KCNQ1: variants seen among roughly 807,000 people sequenced by gnomAD.
The protein encoded by KCNQ1 is potassium voltage-gated channel subfamily KQT member 1.
KCNQ1 carries 49 observed loss-of-function variants against 72.4 expected under a neutral mutation model. The observed-to-expected ratio is 0.68, with a 90% CI of 0.54 to 0.86. The LOEUF (loss-of-function observed/expected upper bound fraction) is 0.86. Ranked by LOEUF, KCNQ1 falls within the 40% of genes least tolerant of loss-of-function variation. The pLI is 0.00. For missense variants in KCNQ1, 790 were observed against 945.1 expected, an observed-to-expected ratio of 0.84 and a Z score of 2.15; for synonymous variants, 450 against 412.6, an observed-to-expected ratio of 1.09 and a Z score of -1.10.
intron 11 of KCNQ1, chr11:2,693,668 C>T: frequency 2.5e-6 from 1 of 398,698 alleles, no homozygotes; most frequent in East Asian, 3.6e-5. Flanking sequence ...GTTCCGCAGA[C>T]AGAGCAGCCA....
Position 2,612,270 on chromosome 11 carries a change from G to T in KCNQ1, c.1393+23416G>T. 2.5e-6 allele frequency: 1 copy of T among 398,588 alleles called. No homozygotes were observed. The highest frequency in any genetic ancestry group is 1.3e-4 in the South Asian group (1 of 7,834). The allele number at this position is 398,588 out of a possible 1,614,324, so 24.7% of individuals were successfully genotyped here. A position where few individuals can be genotyped will look rare whatever the true frequency, so the allele number is the denominator to read the frequency against. On this transcript the variant is annotated intron_variant, in intron 10 of 15. Transcript: ENST00000155840. This position sits in a 1 kb window ranked among gnomAD's most constrained non-coding sequence, Gnocchi z 5.5. ...CAGAGAGCAAATCCTATTGTGAACTGAGCATGTGAGGGATCTAGGTTGTGC... is the reference window on the plus strand; with the variant it reads ...CAGAGAGCAAATCCTATTGTGAACTTAGCATGTGAGGGATCTAGGTTGTGC...
intron 11 of KCNQ1, among the ~76,000 whole-genome samples, chr11:2,709,065 C>G (rs1400956764): frequency 6.6e-6 from 1 of 152,172 alleles, no homozygotes; most frequent in African/African-American, 2.4e-5. Context: ...GCCTGCTCCA[C>G]CGCCCCTCCC....
At chr11:2,736,859 C>T (rs1313348127) in intron 11 of KCNQ1, among the ~76,000 whole-genome samples, 17 of 152,228 alleles carry the variant, frequency 1.1e-4, no homozygotes, top group Admixed American at 1.0e-3. Context: ...ATGCCCACGG[C>T]TCAGGGACCC....
At chr11:2,820,499 T>C (rs948804446) in intron 15 of KCNQ1, among the ~76,000 whole-genome samples, 1 of 152,130 alleles carries the variant, frequency 6.6e-6, no homozygotes, top group Non-Finnish European at 1.5e-5. Flanking sequence ...GTGGAGTCTT[T>C]TCTGTTAATT....
chr11:2,609,350 G>T (rs1848937555), intron 10 of KCNQ1: 1 of 398,208 alleles, frequency 2.5e-6, no homozygotes, highest in South Asian at 1.3e-4. Flanking sequence ...TTGCTACTGA[G>T]TTCTACTTTT....
intron 15 of KCNQ1, among the ~76,000 whole-genome samples, chr11:2,832,135 C>T (rs549232072): frequency 6.8e-4 from 103 of 152,256 alleles, no homozygotes; most frequent in African/African-American, 2.4e-3. Context: ...GTCCCCAGGA[C>T]ACACACCAGC....
chr11:2,675,891 A>G (rs1273432089), intron 11 of KCNQ1: 1 of 398,560 alleles, frequency 2.5e-6, no homozygotes, highest in Non-Finnish European at 4.4e-6. Context: ...TGCTTTATGT[A>G]TTCAAGGGTT....
At position 2,735,691 on chromosome 11, in the gene KCNQ1, CCT is replaced by C. The variant is rs1356823567; in HGVS notation, c.1515-33152_1515-33151del. 6.6e-6 allele frequency among the ~76,000 whole-genome samples: 1 copy of C among 152,004 alleles called. No individual in the cohort carries two copies. Among genetic ancestry groups the C allele is most frequent in the Non-Finnish European group, 1.5e-5 (1 of 67,996 alleles). ...CAGCAGGCATTCATCCCCTCACAGCCCTGGAGGCTGGAGTCCAAGGTCAAGGT... is the reference window on the plus strand; with the variant it reads ...CAGCAGGCATTCATCCCCTCACAGCCGGAGGCTGGAGTCCAAGGTCAAGGT... On this transcript the variant is annotated intron_variant, in intron 11 of 15. Coordinates refer to ENST00000155840, the MANE Select transcript of KCNQ1 (RefSeq NM_000218.3). The surrounding 1 kb of genome is among the most constrained non-coding windows in gnomAD (Gnocchi z 7.7).
At chr11:2,812,758 AGGCCCCACGCCCCCGG>A (rs1365857878) in intron 15 of KCNQ1, among the ~76,000 whole-genome samples, 10 of 152,038 alleles carry the variant, frequency 6.6e-5, no homozygotes, top group Non-Finnish European at 1.3e-4. Flanking sequence ...CACGCCCCCG[AGGCCCCACGCCCCCGG>A]GGCCCCATGC....
intron 15 of KCNQ1, among the ~76,000 whole-genome samples, chr11:2,840,892 C>G (rs1848195592): frequency 6.6e-6 from 1 of 152,140 alleles, no homozygotes; most frequent in Non-Finnish European, 1.5e-5. Flanking sequence ...GGGAAATTGG[C>G]CGGGGCCTCA....
rs1181124420 is a variant in KCNQ1 at position 2,641,508 on chromosome 11, T to C, written c.1394-20453T>C. ...TAATTTGTTGTTTACTATTGAGTTA[T>C]TGGAGTTCCTAGTATATTCTGGTAT... On this transcript the variant is annotated intron_variant, in intron 10 of 15. Coordinates refer to ENST00000155840, the MANE Select transcript of KCNQ1 (RefSeq NM_000218.3). 8 of 398,514 alleles carry C rather than the reference T, an allele frequency of 2.0e-5. No homozygotes were observed. The East Asian group carries it at 2.9e-4, about 14-fold the overall frequency. 24.7% of individuals were successfully genotyped at this position (398,514 alleles called of 1,614,324 possible). A position where few individuals can be genotyped will look rare whatever the true frequency, so the allele number is the denominator to read the frequency against.
In KCNQ1 at chr11:2,663,320, C is replaced by T. The variant is rs1850004008; in HGVS notation, c.1514+1239C>T. ...GGCCCCTCCTGGCTGGGTAAAAAGG[C>T]AGGAGCAGAGGTGTGAGCAGGCTGG... On this transcript the variant is annotated intron_variant, in intron 11 of 15. Coordinates refer to ENST00000155840, the MANE Select transcript of KCNQ1 (RefSeq NM_000218.3). This position sits in a 1 kb window ranked among gnomAD's most constrained non-coding sequence, Gnocchi z 5.2. 2.5e-6 allele frequency: 1 copy of T among 398,766 alleles called. No individual in the cohort carries two copies. Among genetic ancestry groups the T allele is most frequent in the Non-Finnish European group, 4.4e-6 (1 of 226,194 alleles). 24.7% of individuals were successfully genotyped at this position (398,766 alleles called of 1,614,324 possible).
At position 2,762,700 on chromosome 11, in the gene KCNQ1, C is replaced by A. The variant is rs960697410; in HGVS notation, c.1515-6144C>A. On this transcript the variant is annotated intron_variant, in intron 11 of 15. Transcript: ENST00000155840. The surrounding 1 kb of genome is among the most constrained non-coding windows in gnomAD (Gnocchi z 4.3). ...ATTAGATTCTCGCAGGAGCGCGAAC[C>A]CTGTTGTGAATGCACATGTGAGGGG... Among the ~76,000 whole-genome samples, 2 of 152,192 alleles carry A rather than the reference C, an allele frequency of 1.3e-5. No homozygotes were observed. Among genetic ancestry groups the A allele is most frequent in the Non-Finnish European group, 2.9e-5 (2 of 68,022 alleles).
In KCNQ1 at chr11:2,800,467, G is replaced by A. The variant is rs551889965; in HGVS notation, c.1794+22430G>A. Among the ~76,000 whole-genome samples, 143 of 152,288 alleles carry A rather than the reference G, an allele frequency of 9.4e-4. 1 individual carries two copies. Among genetic ancestry groups the A allele is most frequent in the African/African-American group, 3.2e-3 (131 of 41,562 alleles). ...TTCCCCACCCCACTTGCCTCACCTC[G>A]GCCCAAACCTGGGTACTCCCAGCTG... On this transcript the variant is annotated intron_variant, in intron 15 of 15. Transcript: ENST00000155840.
rs79375780 is a variant in KCNQ1, at chr11:2,762,923, C to T, written c.1515-5921C>T. ...CCCACTGTTCATCTGTCTGCCCACA[C>T]GCTCTTAATCAAGCCCTGTGGCCTC... is the stretch of plus-strand genomic sequence containing the variant. On this transcript the variant is annotated intron_variant, in intron 11 of 15. Transcript: ENST00000155840. The surrounding 1 kb of genome is among the most constrained non-coding windows in gnomAD (Gnocchi z 4.3). Among the ~76,000 whole-genome samples, 37 of 152,290 alleles carry T rather than the reference C, an allele frequency of 2.4e-4. No homozygotes were observed. The highest frequency in any genetic ancestry group is 5.8e-4 in the East Asian group (3 of 5,180).
Position 2,572,100 on chromosome 11 carries a change from C to T in KCNQ1, c.771C>T (p.Ile257=), listed in dbSNP as rs1245633432. ...GGCTCCTGGGCTCCGTGGTCTTCAT[C>T]CACCGCCAGGTGGGTGGCCCGGGTT... The part of the protein sequence containing the change: ...TWRLLGSVVF[I]HRQELITTLY... The change falls in exon 5 of 16, where the codon ATC becomes ATT. Residue 257 remains isoleucine (I), a synonymous_variant. Coordinates refer to ENST00000155840, the MANE Select transcript of KCNQ1 (RefSeq NM_000218.3). The T allele has an allele frequency of 3.1e-6, 5 of 1,611,986 alleles. No individual in the cohort carries two copies. The highest frequency in any genetic ancestry group is 8.5e-7 in the Non-Finnish European group (1 of 1,179,536).
intron 6 of KCNQ1, among the ~76,000 whole-genome samples, chr11:2,576,809 G>C (rs543922439): frequency 6.6e-6 from 1 of 152,364 alleles, no homozygotes; most frequent in East Asian, 1.9e-4. Context: ...GTGTCAGGAA[G>C]AGCTGGGGAA....
chr11:2,522,623 AT>A (rs1847407422), intron 1 of KCNQ1, among the ~76,000 whole-genome samples: 1 of 152,294 alleles, frequency 6.6e-6, no homozygotes. Flanking sequence ...TTGTCATATA[AT>A]TCCTTCTGAG....
chr11:2,586,944 G>A (rs1848600790), intron 8 of KCNQ1, among the ~76,000 whole-genome samples: 1 of 152,180 alleles, frequency 6.6e-6, no homozygotes, highest in South Asian at 2.1e-4. Flanking sequence ...CCTGCCGATA[G>A]TGTCCCCTCC....
Sources: gnomAD v4.1 joint callset for allele counts (sites outside exome capture counted in the v4.1 genomes callset) on GRCh38, gnomAD v4.1.1 for gene constraint, Gnocchi (gnomAD v3.1) non-coding constraint, MANE v1.5 for transcripts, NCBI Gene and HGNC (gene_info 2026-07-23, HGNC 2026-07-21) for gene names.